CMPK1: variants seen among roughly 807,000 people sequenced by gnomAD.
The protein encoded by CMPK1 is UMP-CMP kinase.
A neutral mutation model predicts 25.7 loss-of-function variants in CMPK1; 10 were observed. The observed-to-expected ratio is 0.39, with a 90% CI of 0.24 to 0.66. CMPK1 has a LOEUF of 0.66. Ranked by LOEUF, CMPK1 falls within the 30% of genes least tolerant of loss-of-function variation. The probability of loss-of-function intolerance (pLI) is 0.48; values close to 1 mark genes in which losing one functional copy is unlikely to be tolerated. For synonymous variants in CMPK1, 106 were observed against 101.5 expected, an observed-to-expected ratio of 1.04 and a Z score of -0.27; for missense variants, 199 against 280.5, an observed-to-expected ratio of 0.71 and a Z score of 2.08.
rs58495352 is a variant in CMPK1 at position 47,358,325 on chromosome 1, C to T, written c.172-10144C>T. 3,462 of 731,548 alleles carry T rather than the reference C, an allele frequency of 4.7e-3. 115 individuals carry two copies. In the African/African-American group the frequency reaches 0.058, roughly 12 times the overall value. 45.3% of individuals were successfully genotyped at this position (731,548 alleles called of 1,614,324 possible). A position where few individuals can be genotyped will look rare whatever the true frequency, so the allele number is the denominator to read the frequency against. On this transcript the variant is annotated intron_variant, in intron 1 of 5. Transcript: ENST00000371873. ...ATGACATCTTGCTATGGTGCATAGG[C>T]TGATCTCAAACTCCTGGCCTCGAGC...
intron 1 of CMPK1, among the ~76,000 whole-genome samples, chr1:47,364,670 TA>T (rs963768766): frequency 8.6e-4 from 128 of 148,248 alleles, no homozygotes; most frequent in African/African-American, 2.9e-3. Flanking sequence ...ATATTACATA[TA>T]AATTTTATAT....
At chr1:47,359,826 TA>T (rs1349853881) in intron 1 of CMPK1, among the ~76,000 whole-genome samples, 1 of 152,166 alleles carries the variant, frequency 6.6e-6, no homozygotes, top group Non-Finnish European at 1.5e-5. Flanking sequence ...ACCTTTATCT[TA>T]TAAGGAGAAG....
intron 5 of CMPK1, among the ~76,000 whole-genome samples, chr1:47,376,491 T>C (rs1246232369): frequency 6.6e-6 from 1 of 152,082 alleles, no homozygotes; most frequent in African/African-American, 2.4e-5. Flanking sequence ...GATTTTTGTA[T>C]TTTTAGTAGA....
Position 47,370,376 on chromosome 1 carries a change from C to T in CMPK1, c.318+1761C>T, listed in dbSNP as rs531130826. 2.7e-3 allele frequency among the ~76,000 whole-genome samples: 409 copies of T among 151,794 alleles called. 3 individuals are homozygous for T. The highest frequency in any genetic ancestry group is 9.1e-3 in the African/African-American group (376 of 41,436). On this transcript the variant is annotated intron_variant, in intron 2 of 5. Coordinates refer to ENST00000371873, the MANE Select transcript of CMPK1 (RefSeq NM_016308.3). The stretch of plus-strand genomic sequence containing the variant: ...ATCTGAGGCTGGGCGCAGTGGCTCA[C>T]GCCTGTAATCCCAGCACTTTGGGAG...
At chr1:47,359,186 G>A (rs574701142) in intron 1 of CMPK1, among the ~76,000 whole-genome samples, 6 of 151,708 alleles carry the variant, frequency 4.0e-5, no homozygotes, top group East Asian at 4.0e-4. Context: ...GCATGTTGGC[G>A]GGCGCCTGTA....
intron 2 of CMPK1, among the ~76,000 whole-genome samples, chr1:47,371,929 C>T (rs1219298199): frequency 1.3e-5 from 2 of 152,156 alleles, no homozygotes; most frequent in Non-Finnish European, 2.9e-5. Context: ...TGCCATCTAC[C>T]TAGCTACTCA....
chr1:47,354,984 T>A (rs1372612370), intron 1 of CMPK1, among the ~76,000 whole-genome samples: 1 of 152,184 alleles, frequency 6.6e-6, no homozygotes, highest in African/African-American at 2.4e-5. Context: ...AACATTTTAT[T>A]TTATATTAAT....
chr1:47,372,743 T>C (rs1268320561), intron 2 of CMPK1, among the ~76,000 whole-genome samples: 1 of 152,132 alleles, frequency 6.6e-6, no homozygotes, highest in Non-Finnish European at 1.5e-5. Context: ...CCACACCAAC[T>C]TGAGGCAACC....
At chr1:47,353,819 C>A (rs1032319950) in intron 1 of CMPK1, among the ~76,000 whole-genome samples, 1 of 152,136 alleles carries the variant, frequency 6.6e-6, no homozygotes, top group African/African-American at 2.4e-5. Flanking sequence ...CAGGTTCAAG[C>A]AATTCTCCTG....
At chr1:47,335,636 CAAAA>C (rs34856862) in intron 1 of CMPK1, among the ~76,000 whole-genome samples, 7 of 75,268 alleles carry the variant, frequency 9.3e-5, no homozygotes, top group African/African-American at 2.9e-4. Context: ...AACTCCGTCT[CAAAA>C]AAAAAAAAAA....
chr1:47,364,318 GTTTT>G (rs962254938), intron 1 of CMPK1, among the ~76,000 whole-genome samples: 15 of 151,206 alleles, frequency 9.9e-5, no homozygotes, highest in Non-Finnish European at 2.2e-4. Context: ...TTTTGGTTTG[GTTTT>G]TTTGTTTGTT....
chr1:47,347,774 C>T (rs1646495450), intron 1 of CMPK1, among the ~76,000 whole-genome samples: 2 of 152,088 alleles, frequency 1.3e-5, no homozygotes, highest in Admixed American at 1.3e-4. Context: ...TACAGGCATG[C>T]GCCGTTACCA....
At chr1:47,349,886 A>G (rs1161259521) in intron 1 of CMPK1, among the ~76,000 whole-genome samples, 7 of 151,028 alleles carry the variant, frequency 4.6e-5, no homozygotes, top group Non-Finnish European at 1.0e-4. Context: ...GCTCACTGCA[A>G]TCTCCGCCTC....
chr1:47,348,070 A>G (rs924246156), intron 1 of CMPK1, among the ~76,000 whole-genome samples: 1 of 120,012 alleles, frequency 8.3e-6, no homozygotes, highest in Non-Finnish European at 2.0e-5. Context: ...GCTAATGCAA[A>G]AGGATTGTAA....
chr1:47,372,813 C>CT lies in CMPK1; in HGVS notation c.319-130dup, dbSNP rs58538890. 9.4e-3 allele frequency: 2,970 copies of CT among 316,334 alleles called. 9 individuals are homozygous for CT. The highest frequency in any genetic ancestry group is 0.033 in the East Asian group (642 of 19,264). 19.6% of individuals were successfully genotyped at this position (316,334 alleles called of 1,614,324 possible). A position where few individuals can be genotyped will look rare whatever the true frequency, so the allele number is the denominator to read the frequency against. ...TTTTCTTTCTTTCTTTTTTTCTTTT[C>CT]TTTTTTTTTTTTGCTATGTACCCTC... On this transcript the variant is annotated intron_variant, in intron 2 of 5. Transcript: ENST00000371873.
intron 2 of CMPK1, among the ~76,000 whole-genome samples, chr1:47,370,634 CTG>C (rs1384077842): frequency 3.1e-5 from 4 of 131,122 alleles, no homozygotes; most frequent in Non-Finnish European, 6.2e-5. Flanking sequence ...GAGTGAAACT[CTG>C]TTTCTTAAAA....
intron 1 of CMPK1, among the ~76,000 whole-genome samples, chr1:47,347,474 G>A (rs1646493635): frequency 1.3e-5 from 2 of 152,164 alleles, no homozygotes; most frequent in African/African-American, 2.4e-5. Flanking sequence ...CTCCCCAAAT[G>A]CCGAGATTAC....
chr1:47,375,417 C>A, intron 5 of CMPK1, 124 bp downstream of exon 5: 1 of 642,260 alleles, frequency 1.6e-6, no homozygotes, highest in Non-Finnish European at 2.6e-6. Flanking sequence ...ACACTGGAAG[C>A]CAGTCATGGT....
intron 1 of CMPK1, among the ~76,000 whole-genome samples, chr1:47,347,654 G>A (rs994303165): frequency 6.6e-6 from 1 of 151,308 alleles, no homozygotes; most frequent in African/African-American, 2.4e-5. Flanking sequence ...GAGACAGAGT[G>A]TCACTCTGTC....
Sources: allele counts gnomAD v4.1 joint callset (sites outside exome capture counted in the v4.1 genomes callset), GRCh38; gene constraint gnomAD v4.1.1; transcripts MANE v1.5; gene names NCBI Gene and HGNC (gene_info 2026-07-23, HGNC 2026-07-21).